SORCS3: variants seen among roughly 807,000 people sequenced by gnomAD.
The protein encoded by SORCS3 is VPS10 domain-containing receptor SorCS3.
In SORCS3, 57 loss-of-function variants were observed where a neutral mutation model predicts 146.3. That is an observed-to-expected ratio of 0.39 (90% CI 0.31 to 0.49). SORCS3 has a LOEUF of 0.49. SORCS3 is among the 20% of genes least tolerant of loss of function. The probability of loss-of-function intolerance (pLI) is 0.92; values close to 1 mark genes in which losing one functional copy is unlikely to be tolerated. For synonymous variants in SORCS3, 653 were observed against 618.5 expected, an observed-to-expected ratio of 1.06 and a Z score of -0.83; for missense variants, 1,341 against 1,575.5, an observed-to-expected ratio of 0.85 and a Z score of 2.52.
intron 5 of SORCS3, among the ~76,000 whole-genome samples, chr10:105,064,348 C>T (rs1204070134): frequency 1.3e-5 from 2 of 151,440 alleles, no homozygotes; most frequent in Non-Finnish European, 2.9e-5. Context: ...AGAGAGAGAA[C>T]CAATAGGAGA....
At chr10:104,904,833 A>AT (rs75591421) in intron 2 of SORCS3, among the ~76,000 whole-genome samples, 17,631 of 148,264 alleles carry the variant, frequency 0.12, 1,112 homozygotes, top group South Asian at 0.25. Context: ...AATTTTCAGT[A>AT]TTTTTTTTTT....
intron 19 of SORCS3, among the ~76,000 whole-genome samples, chr10:105,218,810 A>T (rs1349316489): frequency 6.6e-6 from 1 of 152,172 alleles, no homozygotes; most frequent in African/African-American, 2.4e-5. Context: ...GGCTCAGGAG[A>T]TCGAGACCAT....
At chr10:104,671,325 C>CTT (rs771029154) in intron 1 of SORCS3, among the ~76,000 whole-genome samples, 231 of 19,184 alleles carry the variant, frequency 0.012, 86 homozygotes, top group Non-Finnish European at 0.013. Context: ...CATTCTTTTC[C>CTT]TTTTTTTTTT....
At chr10:105,232,108 A>G (rs765989841) in intron 20 of SORCS3, among the ~76,000 whole-genome samples, 1 of 152,170 alleles carries the variant, frequency 6.6e-6, no homozygotes, top group African/African-American at 2.4e-5. Flanking sequence ...ATGATGTGGA[A>G]AATTGGCATA....
chr10:104,869,381 C>A (rs1472671632), intron 2 of SORCS3, among the ~76,000 whole-genome samples: 2 of 152,114 alleles, frequency 1.3e-5, no homozygotes, highest in African/African-American at 4.8e-5. Flanking sequence ...AGAATTCAAC[C>A]TTCCTCTGCC....
At chr10:104,890,038 T>C (rs1432610017) in intron 2 of SORCS3, among the ~76,000 whole-genome samples, 10 of 152,202 alleles carry the variant, frequency 6.6e-5, no homozygotes, top group African/African-American at 2.4e-4. Context: ...TAAAATAATC[T>C]TCTGTCATCC....
intron 3 of SORCS3, among the ~76,000 whole-genome samples, chr10:104,976,672 C>A (rs1254683393): frequency 2.0e-5 from 3 of 152,266 alleles, no homozygotes; most frequent in Admixed American, 1.3e-4. Flanking sequence ...AAATGTCCAA[C>A]AATGATAGAC....
At chr10:104,754,657 C>T (rs957520108) in intron 1 of SORCS3, among the ~76,000 whole-genome samples, 1 of 152,040 alleles carries the variant, frequency 6.6e-6, no homozygotes, top group Non-Finnish European at 1.5e-5. Flanking sequence ...GGCCTTGCTT[C>T]CTGTTCTAGG....
At chr10:104,930,151 A>G (rs1172028465) in intron 3 of SORCS3, among the ~76,000 whole-genome samples, 1 of 152,214 alleles carries the variant, frequency 6.6e-6, no homozygotes, top group Non-Finnish European at 1.5e-5. Context: ...TCAACCAGAA[A>G]GAACAGTAAT....
intron 2 of SORCS3, among the ~76,000 whole-genome samples, chr10:104,894,877 T>C (rs2018783755): frequency 6.6e-6 from 1 of 152,072 alleles, no homozygotes; most frequent in African/African-American, 2.4e-5. Context: ...GGAATTGAAA[T>C]GGCAACGGTT....
At chr10:105,143,011 A>G (rs1050903102) in intron 8 of SORCS3, among the ~76,000 whole-genome samples, 1 of 152,270 alleles carries the variant, frequency 6.6e-6, no homozygotes, top group Admixed American at 6.5e-5. Flanking sequence ...CAAAAGAGTT[A>G]TCTGTAATTC....
At chr10:105,092,608 A>ACAC (rs2055717825) in intron 6 of SORCS3, among the ~76,000 whole-genome samples, 1 of 147,268 alleles carries the variant, frequency 6.8e-6, no homozygotes, top group East Asian at 2.0e-4. Flanking sequence ...TGCATTCACA[A>ACAC]ACACACACAC....
At chr10:104,858,591 G>T (rs77253050) in intron 2 of SORCS3, among the ~76,000 whole-genome samples, 3,944 of 151,492 alleles carry the variant, frequency 0.026, 180 homozygotes, top group African/African-American at 0.088. Flanking sequence ...AAGACTCTTA[G>T]CATACATTGT....
At chr10:104,749,599 C>T (rs906250806) in intron 1 of SORCS3, among the ~76,000 whole-genome samples, 3 of 152,076 alleles carry the variant, frequency 2.0e-5, no homozygotes, top group African/African-American at 7.2e-5. Flanking sequence ...TCAGCAGAGG[C>T]ACTAGGATAA....
intron 5 of SORCS3, among the ~76,000 whole-genome samples, chr10:105,064,378 A>T (rs939308653): frequency 6.6e-6 from 1 of 152,176 alleles, no homozygotes; most frequent in Non-Finnish European, 1.5e-5. Flanking sequence ...ACAAAGCTGG[A>T]TGGATGATTG....
chr10:104,738,061 A>G (rs9420929), intron 1 of SORCS3, among the ~76,000 whole-genome samples: 334 of 151,946 alleles, frequency 2.2e-3, no homozygotes, highest in African/African-American at 7.3e-3. Flanking sequence ...GTTTTTCTCA[A>G]GTTTGTCAAA....
chr10:105,069,866 G>A (rs1314825806), intron 5 of SORCS3, among the ~76,000 whole-genome samples: 3 of 152,092 alleles, frequency 2.0e-5, no homozygotes, highest in African/African-American at 7.2e-5. Flanking sequence ...CATACTCCTG[G>A]CAAGTTGGTC....
rs184235402 is a variant in SORCS3 at position 104,876,016 on chromosome 10, T to C, written c.695+33157T>C. On this transcript the variant is annotated intron_variant, in intron 2 of 26. Coordinates refer to ENST00000369701, the MANE Select transcript of SORCS3 (RefSeq NM_014978.3). ...TGAGAGTTTCTGAACCATGTTTTTTTCCCCTAGTTACTATTACTCCATACT... is the reference window on the plus strand; with the variant it reads ...TGAGAGTTTCTGAACCATGTTTTTTCCCCCTAGTTACTATTACTCCATACT... Among the ~76,000 whole-genome samples, 527 of 152,232 alleles carry C rather than the reference T, an allele frequency of 3.5e-3. 1 individual carries two copies. Among genetic ancestry groups the C allele is most frequent in the Non-Finnish European group, 6.1e-3 (413 of 67,990 alleles).
At chr10:104,998,928 TCAGATGATC>T (rs2055043096) in intron 4 of SORCS3, among the ~76,000 whole-genome samples, 1 of 152,122 alleles carries the variant, frequency 6.6e-6, no homozygotes, top group Non-Finnish European at 1.5e-5. Context: ...ACAGGAATAC[TCAGATGATC>T]CAGGTCTTTG....
Sources: allele counts gnomAD v4.1 joint callset (sites outside exome capture counted in the v4.1 genomes callset), GRCh38; gene constraint gnomAD v4.1.1; transcripts MANE v1.5; gene names NCBI Gene and HGNC (gene_info 2026-07-23, HGNC 2026-07-21).